Variants in BCL11A observed in about 807,000 individuals in gnomAD.
BCL11A encodes the protein B cell CLL/lymphoma 11A.
A neutral mutation model predicts 55.9 loss-of-function variants in BCL11A; 2 were observed. That is an observed-to-expected ratio of 0.04 (90% CI 0.01 to 0.11). The LOEUF (loss-of-function observed/expected upper bound fraction) is 0.11. BCL11A is among the 10% of genes least tolerant of loss of function. The pLI, the probability that BCL11A is intolerant of heterozygous loss-of-function variation, is 1.00. For synonymous variants in BCL11A, 465 were observed against 473.4 expected (o/e 0.98, Z 0.23); for missense variants, 817 against 1,137.1 (o/e 0.72, Z 4.05).
chr2:60,486,019 A>AC (rs1250374166), intron 2 of BCL11A, among the ~76,000 whole-genome samples: 1 of 152,112 alleles, frequency 6.6e-6, no homozygotes, highest in Non-Finnish European at 1.5e-5. Flanking sequence ...ACGTACAAAA[A>AC]AAATCTTTTT....
intron 2 of BCL11A, among the ~76,000 whole-genome samples, chr2:60,481,380 G>T (rs1235141252): frequency 6.6e-6 from 1 of 152,074 alleles, no homozygotes; most frequent in African/African-American, 2.4e-5. Flanking sequence ...CCTTCTCTCT[G>T]TCTCCCACGA....
chr2:60,553,112 T>A, intron 1 of BCL11A, 104 bp downstream of exon 1: 3 of 1,254,338 alleles, frequency 2.4e-6, no homozygotes, highest in Non-Finnish European at 3.2e-6. Flanking sequence ...GTGAAAAATT[T>A]AAAAATGCAT....
chr2:60,452,542 C>G (rs758107245), downstream of BCL11A: 2 of 1,559,892 alleles, frequency 1.3e-6, no homozygotes, highest in African/African-American at 1.4e-5. Flanking sequence ...GGGCGGCACG[C>G]GTCCACCCCA....
At chr2:60,527,260 G>A (rs948592999) in intron 2 of BCL11A, 1 of 152,242 alleles carries the variant, frequency 6.6e-6, no homozygotes, top group Admixed American at 6.5e-5. Context: ...GGGGGTGCGA[G>A]CGAGGGAAAT....
chr2:60,525,499 A>G (rs1669162373), intron 2 of BCL11A: 1 of 152,194 alleles, frequency 6.6e-6, no homozygotes, highest in Non-Finnish European at 1.5e-5. Context: ...TTTGAGGCAA[A>G]TCAAGAAAAT....
intron 2 of BCL11A, among the ~76,000 whole-genome samples, chr2:60,510,071 AC>A (rs1679898160): frequency 6.6e-6 from 1 of 151,868 alleles, no homozygotes; most frequent in Admixed American, 6.5e-5. Flanking sequence ...CGTCCCCACC[AC>A]CCTGGTCCAC....
intron 2 of BCL11A, among the ~76,000 whole-genome samples, chr2:60,478,524 C>A (rs1308421472): frequency 6.6e-6 from 1 of 152,252 alleles, no homozygotes; most frequent in African/African-American, 2.4e-5. Flanking sequence ...AGGCCTAATA[C>A]TCTGTGACAG....
intron 2 of BCL11A, among the ~76,000 whole-genome samples, chr2:60,509,748 C>T (rs539334662): frequency 1.1e-4 from 16 of 152,262 alleles, no homozygotes; most frequent in African/African-American, 3.9e-4. Flanking sequence ...AGGCAGTCAA[C>T]TGGGGCTCTC....
chr2:60,542,136 A>G (rs1669949611), intron 2 of BCL11A: 2 of 393,976 alleles, frequency 5.1e-6, no homozygotes, highest in Non-Finnish European at 9.2e-6. Flanking sequence ...ATACCCTGAT[A>G]TAAATGTCTA....
chr2:60,509,698 G>A (rs1349676825), intron 2 of BCL11A, among the ~76,000 whole-genome samples: 1 of 152,112 alleles, frequency 6.6e-6, no homozygotes, highest in Non-Finnish European at 1.5e-5. Context: ...AAAAACACCT[G>A]GCCCTCCCCA....
At position 60,553,371 on chromosome 2, in the gene BCL11A, A is replaced by G; in HGVS notation, c.-101T>C. 1 of 1,231,844 alleles carries G rather than the reference A, an allele frequency of 8.1e-7. No individual in the cohort carries two copies. The highest frequency in any genetic ancestry group is 1.1e-6 in the Non-Finnish European group (1 of 880,138). 76.3% of individuals were successfully genotyped at this position (1,231,844 alleles called of 1,614,324 possible). ...GCCGGGTTAGAAAGAAGGAGACTCC[A>G]GAGAAAATATCTTCATCAGTGCCTT... On this transcript the variant is annotated 5_prime_UTR_variant, in exon 1 of 4. Coordinates refer to ENST00000642384, the MANE Select transcript of BCL11A (RefSeq NM_022893.4).
intron 3 of BCL11A, among the ~76,000 whole-genome samples, chr2:60,467,372 A>T (rs1196983346): frequency 3.3e-5 from 1 of 30,412 alleles, no homozygotes; most frequent in Non-Finnish European, 6.2e-5. Flanking sequence ...GATGGTGGTG[A>T]TGATGGTGAT....
At chr2:60,467,906 A>ATGG (rs754981583) in intron 3 of BCL11A, among the ~76,000 whole-genome samples, 290 of 8,458 alleles carry the variant, frequency 0.034, 25 homozygotes, top group African/African-American at 0.1. Context: ...GGTGGTGGTA[A>ATGG]TGGTGGTGGT....
At position 60,462,422 on chromosome 2, in the gene BCL11A, T is replaced by C. The variant is rs1323374912; in HGVS notation, c.490A>G (p.Lys164Glu). The C allele has an allele frequency of 2.5e-6, 4 of 1,592,992 alleles. No individual in the cohort carries two copies. Among genetic ancestry groups the C allele is most frequent in the African/African-American group, 2.7e-5 (2 of 74,294 alleles). ...SAEYAPQGIC[K>E]DEPSSYTCTT... ...CATGTGTAGCTGCTGGGCTCATCTT[T>C]ACCTGCAAAATAATACAACACCAAC... The change falls in exon 4 of 4, where the codon AAA (lysine) becomes GAA (glutamate). Residue 164 changes from lysine to glutamate, a missense_variant and splice_region_variant. By Grantham distance (56) the Lys-to-Glu change is moderately conservative. Coordinates refer to ENST00000642384, the MANE Select transcript of BCL11A (RefSeq NM_022893.4).
chr2:60,474,609 G>C (rs1484528477), intron 2 of BCL11A, among the ~76,000 whole-genome samples: 1 of 152,234 alleles, frequency 6.6e-6, no homozygotes, highest in Non-Finnish European at 1.5e-5. Flanking sequence ...AGGAGACTGA[G>C]AGGGCAGCTG....
At chr2:60,512,885 T>C (rs771328717) in intron 2 of BCL11A, among the ~76,000 whole-genome samples, 26 of 152,172 alleles carry the variant, frequency 1.7e-4, no homozygotes, top group Non-Finnish European at 3.2e-4. Context: ...CCCAACCACT[T>C]TGCCCACCCA....
chr2:60,505,106 G>A (rs930566984), intron 2 of BCL11A, among the ~76,000 whole-genome samples: 5 of 152,060 alleles, frequency 3.3e-5, no homozygotes, highest in African/African-American at 1.2e-4. Context: ...TACTCATGAG[G>A]TGAGTCTCAA....
chr2:60,465,319 A>G lies in BCL11A; in HGVS notation c.488-2895T>C, dbSNP rs561640252. Reference sequence around the variant, plus strand: ...GGGCTACATTGATTTATTGATGTGTAAAATATAATAATATTCTTCATTTAC... The same window carrying G: ...GGGCTACATTGATTTATTGATGTGTGAAATATAATAATATTCTTCATTTAC... On this transcript the variant is annotated intron_variant, in intron 3 of 3. Transcript: ENST00000642384. Among the ~76,000 whole-genome samples the G allele has an allele frequency of 5.9e-5, 9 of 152,336 alleles. No individual in the cohort carries two copies. The South Asian group carries it at 1.7e-3, about 28-fold the overall frequency.
chr2:60,490,207 G>C (rs1030557978), intron 2 of BCL11A, among the ~76,000 whole-genome samples: 1 of 152,112 alleles, frequency 6.6e-6, no homozygotes, highest in Non-Finnish European at 1.5e-5. Flanking sequence ...AGTCAACAGG[G>C]GAGAACTCGG....
Sources: gnomAD v4.1 joint callset for allele counts (sites outside exome capture counted in the v4.1 genomes callset) on GRCh38, gnomAD v4.1.1 for gene constraint, MANE v1.5 for transcripts, NCBI Gene and HGNC (gene_info 2026-07-23, HGNC 2026-07-21) for gene names.